Variants in WDR73 observed in about 807,000 individuals in gnomAD.
The protein encoded by WDR73 is integrator complex assembly factor WDR73.
Under a neutral mutation model 38.2 loss-of-function variants are expected in WDR73, and 30 were observed. The ratio of observed to expected loss-of-function variants is 0.79; its 90% CI spans 0.59 to 1.06. WDR73 has a LOEUF of 1.06. Among genes scored for constraint, WDR73 ranks in the 50% least tolerant of loss-of-function variants. The probability of loss-of-function intolerance (pLI) is 0.00; values close to 1 mark genes in which losing one functional copy is unlikely to be tolerated. For synonymous variants in WDR73, 197 were observed against 176.0 expected (o/e 1.12, Z -0.94); for missense variants, 487 against 467.0 (o/e 1.04, Z -0.40).
intron 3 of WDR73, among the ~76,000 whole-genome samples, chr15:84,651,269 T>A (rs1896615436): frequency 6.6e-6 from 1 of 151,650 alleles, no homozygotes; most frequent in African/African-American, 2.4e-5. Flanking sequence ...TACAAAAAAA[T>A]TTAACAATTA....
intron 1 of WDR73, chr15:84,654,002 C>T (rs1219069712): frequency 4.9e-6 from 3 of 613,442 alleles, no homozygotes; most frequent in Non-Finnish European, 8.6e-6. Context: ...CTGGGCACTG[C>T]GTCTTCACAA....
At chr15:84,646,903 G>A (rs1896479899) in intron 5 of WDR73, 1 of 153,948 alleles carries the variant, frequency 6.5e-6, no homozygotes, top group African/African-American at 2.4e-5. Flanking sequence ...TGGTTCTTTT[G>A]TTTTTTTGAG....
intron 1 of WDR73, chr15:84,653,976 G>A: frequency 1.7e-6 from 1 of 605,028 alleles, no homozygotes; most frequent in Non-Finnish European, 2.9e-6. Flanking sequence ...TGAACTCAGA[G>A]GCTGGCGCAA....
rs1177370133 is a variant in WDR73, at chr15:84,646,319, C to G, written c.382G>C (p.Val128Leu). 1.2e-6 allele frequency: 2 copies of G among 1,613,818 alleles called. No homozygotes were observed. The highest frequency in any genetic ancestry group is 4.5e-5 in the East Asian group (2 of 44,872). Residue 128 changes from valine to leucine, a missense_variant, in exon 6 of 8, where the codon GTG becomes CTG. Transcript: ENST00000434634. ...CAGAGACTCTCCTCTTTCTCATGCA[C>G]AGCAATGGTGCTGACAGCTTTAATG... is the stretch of plus-strand genomic sequence containing the variant. ...DVIKAVSTIA[V>L]HEKEESLWPR...
At position 84,639,906 on chromosome 15, in the gene WDR73, G is replaced by C. The variant is rs1429046248; in HGVS notation, c.*3564C>G. ...CTATCGGTTCAAAAACCTCCTGACC[G>C]ACTACTGCAAAGCCAGGAGCACCTA... On this transcript the variant is annotated 3_prime_UTR_variant, in exon 8 of 8. Coordinates refer to ENST00000434634, the MANE Select transcript of WDR73 (RefSeq NM_032856.5). 3.3e-5 allele frequency: 5 copies of C among 152,240 alleles called. No homozygotes were observed. The highest frequency in any genetic ancestry group is 7.3e-5 in the Non-Finnish European group (5 of 68,136). 9.4% of individuals were successfully genotyped at this position (152,240 alleles called of 1,614,324 possible). A position where few individuals can be genotyped will look rare whatever the true frequency, so the allele number is the denominator to read the frequency against.
chr15:84,652,294 G>A (rs1003942668), intron 3 of WDR73, among the ~76,000 whole-genome samples: 1 of 152,084 alleles, frequency 6.6e-6, no homozygotes, highest in African/African-American at 2.4e-5. Context: ...CTCAGAGGCT[G>A]TTCTTTCTTA....
At position 84,642,788 on chromosome 15, in the gene WDR73, A is replaced by T. The variant is rs1454141754; in HGVS notation, c.*682T>A. On this transcript the variant is annotated 3_prime_UTR_variant, in exon 8 of 8. Coordinates refer to ENST00000434634, the MANE Select transcript of WDR73 (RefSeq NM_032856.5). ...CCAAATTTTTTTTTTTTTTTAAGGG[A>T]AGGGATCTTGCTATGTTGCCCAGGC... 2.0e-5 allele frequency: 3 copies of T among 150,532 alleles called. No individual in the cohort carries two copies. The highest frequency in any genetic ancestry group is 6.6e-5 in the Admixed American group (1 of 15,094). 9.3% of individuals were successfully genotyped at this position (150,532 alleles called of 1,614,324 possible).
rs1371498142 is a variant in WDR73 at position 84,652,738 on chromosome 15, G to A, written c.174C>T (p.Leu58=). Residue 58 remains leucine (L), a synonymous_variant, in exon 3 of 8, where the codon CTC becomes CTT. Coordinates refer to ENST00000434634, the MANE Select transcript of WDR73 (RefSeq NM_032856.5). ...CCTTGTTTTCCTTTACAGAAAGTCT[G>A]AGAGGTAATTTCAGATGAAGAATTT... ...KNEILHLKLP[L]RLSVKENKGL... 6.5e-7 allele frequency: 1 copy of A among 1,531,076 alleles called. No individual in the cohort carries two copies. The highest frequency in any genetic ancestry group is 2.5e-5 in the East Asian group (1 of 40,278). 94.8% of individuals were successfully genotyped at this position (1,531,076 alleles called of 1,614,324 possible).
At position 84,652,700 on chromosome 15, in the gene WDR73, A is replaced by G. The variant is rs368622471; in HGVS notation, c.198+14T>C. 2.1e-5 allele frequency: 30 copies of G among 1,410,246 alleles called. No homozygotes were observed. The African/African-American group carries it at 3.8e-4, about 18-fold the overall frequency. 87.4% of individuals were successfully genotyped at this position (1,410,246 alleles called of 1,614,324 possible). On this transcript the variant is annotated intron_variant, in intron 3 of 7. Coordinates refer to ENST00000434634, the MANE Select transcript of WDR73 (RefSeq NM_032856.5). ...ATAAAAGTTGACATACTCAGCATTT[A>G]TATTTTAAGTTACCTTGTTTTCCTT...
chr15:84,653,927 T>G, intron 1 of WDR73: 1 of 604,020 alleles, frequency 1.7e-6, no homozygotes, highest in East Asian at 2.8e-5. Context: ...TTTCCCAAGG[T>G]TGACGTGAGG....
chr15:84,643,733 CAG>C lies in WDR73; in HGVS notation c.884-12_884-11del. On this transcript the variant is annotated splice_polypyrimidine_tract_variant and intron_variant, in intron 7 of 7. Coordinates refer to ENST00000434634, the MANE Select transcript of WDR73 (RefSeq NM_032856.5). Reference sequence around the variant, plus strand: ...ACTGTACCATCAAAACCTGAGAATACAGAAAAGAGAGGCTTGACAATGAGTCC... The same window carrying C: ...ACTGTACCATCAAAACCTGAGAATACAAAAGAGAGGCTTGACAATGAGTCC... The C allele has an allele frequency of 6.2e-7, 1 of 1,607,672 alleles. No individual in the cohort carries two copies. The highest frequency in any genetic ancestry group is 8.5e-7 in the Non-Finnish European group (1 of 1,177,178).
intron 3 of WDR73, among the ~76,000 whole-genome samples, chr15:84,649,716 TGCCTCAGCCTCCCAAA>T (rs1896567606): frequency 6.6e-6 from 1 of 152,132 alleles, no homozygotes. Flanking sequence ...GTGATCCGCC[TGCCTCAGCCTCCCAAA>T]GTGCTGGGAT....
chr15:84,643,888 AT>A, intron 7 of WDR73, 165 bp from the exon 8 acceptor site: 1 of 774,852 alleles, frequency 1.3e-6, no homozygotes, highest in Non-Finnish European at 1.9e-6. Flanking sequence ...AAATGCTGGG[AT>A]TACAGGCACC....
chr15:84,649,461 CTT>C (rs762810980), intron 3 of WDR73, among the ~76,000 whole-genome samples: 2 of 138,926 alleles, frequency 1.4e-5, no homozygotes, highest in Non-Finnish European at 3.2e-5. Flanking sequence ...ACAAATTTGG[CTT>C]TTTTTTTTTT....
intron 3 of WDR73, among the ~76,000 whole-genome samples, chr15:84,652,460 C>T (rs527996324): frequency 1.3e-5 from 2 of 152,320 alleles, no homozygotes; most frequent in South Asian, 4.1e-4. Flanking sequence ...CCTCTATATC[C>T]TTAATCGCTC....
rs1476743714 is a variant in WDR73, at chr15:84,640,711, ATAT to A, written c.*2756_*2758del. ...ACCCAGACTCAGCTGAAAAATAATAATATTATTAAAAGAATTTAAAATAAAGTG... is the reference window on the plus strand; with the variant it reads ...ACCCAGACTCAGCTGAAAAATAATAATATTAAAAGAATTTAAAATAAAGTG... On this transcript the variant is annotated 3_prime_UTR_variant, in exon 8 of 8. Transcript: ENST00000434634. 6.6e-6 allele frequency: 1 copy of A among 152,174 alleles called. No individual in the cohort carries two copies. Among genetic ancestry groups the A allele is most frequent in the Non-Finnish European group, 1.5e-5 (1 of 68,030 alleles). The allele number at this position is 152,174 out of a possible 1,614,324, so 9.4% of individuals were successfully genotyped here.
At chr15:84,652,651 G>A in intron 3 of WDR73, 63 bp downstream of exon 3, 1 of 1,002,466 alleles carries the variant, frequency 1.0e-6, no homozygotes, top group Non-Finnish European at 1.4e-6. Flanking sequence ...GATAACAGGA[G>A]CTCCACAAAT....
At chr15:84,646,627 T>C (rs549864342) in intron 5 of WDR73, 27 of 322,918 alleles carry the variant, frequency 8.4e-5, no homozygotes, top group African/African-American at 5.0e-4. Flanking sequence ...TGGCTTTTTA[T>C]ACTTTTGTGG....
In WDR73 at chr15:84,645,544, G is replaced by A. The variant is rs4842982; in HGVS notation, c.810C>T (p.Ser270=). ...GCAGCTCTGGGTCAGGGCTAGGTAC[G>A]GATACTGGGCACTGGACTGAGCTCA... The part of the protein sequence containing the change: ...HPVSSVQCPV[S]VPSPDPELLR... Residue 270 remains serine (S), a synonymous_variant, in exon 7 of 8, where the codon TCC becomes TCT. Transcript: ENST00000434634. The A allele has an allele frequency of 0.015, 23,554 of 1,611,684 alleles. 895 individuals carry two copies. In the Admixed American group the frequency reaches 0.15, roughly 10 times the overall value.
Sources: gnomAD v4.1 joint callset for allele counts (sites outside exome capture counted in the v4.1 genomes callset) on GRCh38, gnomAD v4.1.1 for gene constraint, MANE v1.5 for transcripts, NCBI Gene and HGNC (gene_info 2026-07-23, HGNC 2026-07-21) for gene names.